CFAP47: variants seen among roughly 807,000 people sequenced by gnomAD.
CFAP47 encodes cilia and flagella associated protein 47.
CFAP47 carries 29 observed loss-of-function variants against 148.1 expected under a neutral mutation model. That is an observed-to-expected ratio of 0.20 (90% CI 0.15 to 0.27). The LOEUF is 0.27. Ranked by LOEUF, CFAP47 falls within the 10% of genes least tolerant of loss-of-function variation. The probability of loss-of-function intolerance (pLI) is 1.00; values close to 1 mark genes in which losing one functional copy is unlikely to be tolerated. For synonymous variants in CFAP47, 664 were observed against 577.3 expected (o/e 1.15, Z -2.15); for missense variants, 1,872 against 1,697.5 (o/e 1.10, Z -1.81).
At chrX:36,336,631 C>T (rs1207431584) in intron 57 of CFAP47, among the ~76,000 whole-genome samples, 6 of 111,159 alleles carry the variant, frequency 5.4e-5, no homozygotes, top group African/African-American at 2.0e-4. Context: ...TTGCTAATAA[C>T]CAGAGCTCAA....
chrX:35,993,746 T>A (rs1328606036), intron 18 of CFAP47, among the ~76,000 whole-genome samples: 3 of 111,208 alleles, frequency 2.7e-5, no homozygotes, highest in Non-Finnish European at 5.7e-5. Context: ...TAGTTGTCAT[T>A]TCTGAGTTTT....
At chrX:36,271,037 A>G (rs1940952882) in intron 49 of CFAP47, among the ~76,000 whole-genome samples, 1 of 110,710 alleles carries the variant, frequency 9.0e-6, no homozygotes, top group African/African-American at 3.3e-5. Flanking sequence ...TGAAGGGGCA[A>G]TAAAACAAAA....
At chrX:36,173,985 T>A (rs1392824566) in intron 39 of CFAP47, among the ~76,000 whole-genome samples, 1 of 110,840 alleles carries the variant, frequency 9.0e-6, no homozygotes, top group Non-Finnish European at 1.9e-5. Flanking sequence ...TGGGTGCACC[T>A]GTATTGGGTG....
At chrX:36,122,597 A>G (rs1938764751) in intron 33 of CFAP47, among the ~76,000 whole-genome samples, 1 of 111,328 alleles carries the variant, frequency 9.0e-6, no homozygotes, top group South Asian at 3.7e-4. Flanking sequence ...ACTTTGATGT[A>G]TTTTTTAGTA....
At chrX:36,049,698 G>C (rs994383584) in intron 26 of CFAP47, among the ~76,000 whole-genome samples, 4 of 112,093 alleles carry the variant, frequency 3.6e-5, no homozygotes, top group Admixed American at 9.5e-5. Flanking sequence ...ATGTGACTGT[G>C]TATTCAAAGA....
chrX:36,345,141 T>G (rs1941686319), intron 57 of CFAP47, among the ~76,000 whole-genome samples: 1 of 111,674 alleles, frequency 9.0e-6, no homozygotes, highest in Non-Finnish European at 1.9e-5. Flanking sequence ...AATGTATAAC[T>G]TTTTTTTAGG....
At chrX:35,998,139 G>A (rs1222015635) in intron 19 of CFAP47, among the ~76,000 whole-genome samples, 1 of 111,112 alleles carries the variant, frequency 9.0e-6, no homozygotes. Context: ...AAGTTATATT[G>A]TCAGATTTAA....
At chrX:36,364,901 CATATATATATAT>C (rs60748143) in intron 61 of CFAP47, among the ~76,000 whole-genome samples, 2,710 of 67,333 alleles carry the variant, frequency 0.04, 47 homozygotes, top group Middle Eastern at 0.079. Flanking sequence ...ATATTTTGTG[CATATATATATAT>C]ATATATATAT....
At chrX:36,006,334 T>C (rs1332447222) in intron 21 of CFAP47, among the ~76,000 whole-genome samples, 1 of 111,528 alleles carries the variant, frequency 9.0e-6, no homozygotes, top group East Asian at 2.8e-4. Context: ...GTTAACTGGG[T>C]ATTTTAAAAA....
chrX:36,050,246 A>G (rs1328483323), intron 26 of CFAP47, among the ~76,000 whole-genome samples: 1 of 111,628 alleles, frequency 9.0e-6, no homozygotes, highest in African/African-American at 3.3e-5. Flanking sequence ...AGAGGTTGGA[A>G]CAGTTTGGAG....
intron 49 of CFAP47, among the ~76,000 whole-genome samples, chrX:36,259,878 A>C (rs1416314432): frequency 3.6e-5 from 4 of 110,636 alleles, no homozygotes; most frequent in Admixed American, 1.9e-4. Flanking sequence ...TTTCCCCCTC[A>C]AGCAGTTCCC....
At chrX:35,981,846 G>A (rs763631263) in intron 15 of CFAP47, among the ~76,000 whole-genome samples, 1 of 111,892 alleles carries the variant, frequency 8.9e-6, no homozygotes, top group South Asian at 3.7e-4. Context: ...TGCCGCAAAG[G>A]CCATGATCAC....
intron 33 of CFAP47, among the ~76,000 whole-genome samples, 185 bp from the exon 34 acceptor site, chrX:36,137,773 C>A (rs1386076319): frequency 9.1e-6 from 1 of 110,208 alleles, no homozygotes; most frequent in Non-Finnish European, 1.9e-5. Flanking sequence ...TTTATAAAGC[C>A]TTACAGGTAA....
At chrX:36,129,825 C>T (rs1938912793) in intron 33 of CFAP47, among the ~76,000 whole-genome samples, 1 of 110,925 alleles carries the variant, frequency 9.0e-6, no homozygotes, top group Non-Finnish European at 1.9e-5. Context: ...GACACAGTAA[C>T]AGCAAAATTA....
intron 29 of CFAP47, among the ~76,000 whole-genome samples, chrX:36,082,166 G>C (rs1478129529): frequency 1.8e-5 from 2 of 111,390 alleles, no homozygotes; most frequent in Non-Finnish European, 3.8e-5. Context: ...GTGTGCAAGG[G>C]TTCCCTTTTC....
At chrX:36,144,443 T>C in intron 35 of CFAP47, 1 of 776,569 alleles carries the variant, frequency 1.3e-6, no homozygotes, top group South Asian at 3.1e-5. Flanking sequence ...AATAATTGAT[T>C]TACTATGCTT....
chrX:36,089,231 C>T (rs1239045346), intron 30 of CFAP47, among the ~76,000 whole-genome samples: 5 of 109,697 alleles, frequency 4.6e-5, no homozygotes, highest in Non-Finnish European at 9.5e-5. Context: ...TAGCTGAGCG[C>T]TGTGGTGGGC....
At chrX:36,045,516 A>G (rs1354301196) in intron 25 of CFAP47, among the ~76,000 whole-genome samples, 1 of 111,345 alleles carries the variant, frequency 9.0e-6, no homozygotes, top group East Asian at 2.8e-4. Flanking sequence ...TTCAGGGTCC[A>G]AGGGGGCTCT....
chrX:36,214,826 T>A (rs1199639670), intron 45 of CFAP47, among the ~76,000 whole-genome samples: 3 of 111,003 alleles, frequency 2.7e-5, no homozygotes, highest in African/African-American at 9.8e-5. Flanking sequence ...TAACAATATT[T>A]TATTTTGGAA....
Sources: allele counts gnomAD v4.1 joint callset (sites outside exome capture counted in the v4.1 genomes callset), GRCh38; gene constraint gnomAD v4.1.1; transcripts MANE v1.5; gene names NCBI Gene and HGNC (gene_info 2026-07-23, HGNC 2026-07-21).